Variants in PLEKHD1 observed in about 807,000 individuals in gnomAD.
PLEKHD1 encodes the protein pleckstrin homology domain-containing family D member 1.
PLEKHD1 carries 51 observed loss-of-function variants against 69.2 expected under a neutral mutation model. The observed-to-expected ratio is 0.74, with a 90% CI of 0.59 to 0.93. The LOEUF is 0.93. PLEKHD1 is among the 40% of genes least tolerant of loss of function. The pLI is 0.00. For missense variants in PLEKHD1, 584 were observed against 641.0 expected, an observed-to-expected ratio of 0.91 and a Z score of 0.96; for synonymous variants, 236 against 244.7, an observed-to-expected ratio of 0.96 and a Z score of 0.33.
intron 7 of PLEKHD1, among the ~76,000 whole-genome samples, chr14:69,523,600 G>A (rs908170887): frequency 3.9e-5 from 6 of 152,144 alleles, no homozygotes; most frequent in African/African-American, 1.4e-4. Context: ...AAACATTAGT[G>A]TAATAATATG....
intron 1 of PLEKHD1, among the ~76,000 whole-genome samples, chr14:69,498,458 G>A (rs1047812285): frequency 3.3e-5 from 5 of 152,180 alleles, no homozygotes; most frequent in Admixed American, 6.5e-5. Context: ...ACTTTCCTCA[G>A]ATGGCAGCTG....
the PLEKHD1 span, among the ~76,000 whole-genome samples, chr14:69,471,791 G>C: frequency 6.6e-6 from 1 of 152,082 alleles, no homozygotes; most frequent in Non-Finnish European, 1.5e-5. Context: ...GTATTTGGCC[G>C]AGAGATGTCA....
chr14:69,500,719 C>T, intron 3 of PLEKHD1, 53 bp downstream of exon 3: 1 of 1,534,548 alleles, frequency 6.5e-7, no homozygotes, highest in Non-Finnish European at 8.8e-7. Context: ...ACCAGCCTCT[C>T]AGGCCTCTTC....
the PLEKHD1 span, among the ~76,000 whole-genome samples, chr14:69,476,257 C>CAAAAAAAAAAAA: frequency 1.3e-5 from 1 of 77,322 alleles, no homozygotes; most frequent in African/African-American, 5.0e-5. Flanking sequence ...GACTCTGTCT[C>CAAAAAAAAAAAA]AAAAAAAAAA....
At chr14:69,497,909 T>C (rs77430583) in intron 1 of PLEKHD1, among the ~76,000 whole-genome samples, 10,981 of 152,076 alleles carry the variant, frequency 0.072, 566 homozygotes, top group South Asian at 0.17. Context: ...AAAATGGGGC[T>C]GAGTACAGTG....
intron 6 of PLEKHD1, among the ~76,000 whole-genome samples, chr14:69,511,737 G>A (rs567364141): frequency 4.6e-5 from 7 of 151,976 alleles, no homozygotes; most frequent in Admixed American, 4.6e-4. Context: ...TTTTATTAGA[G>A]ACATGGTTTC....
At chr14:69,501,991 CT>C in intron 5 of PLEKHD1, 166 bp downstream of exon 5, 1 of 567,738 alleles carries the variant, frequency 1.8e-6, no homozygotes, top group Non-Finnish European at 3.1e-6. Flanking sequence ...ACTACGCATC[CT>C]TTTGGCCAAC....
intron 6 of PLEKHD1, among the ~76,000 whole-genome samples, chr14:69,504,596 A>G (rs1883110959): frequency 6.6e-6 from 1 of 152,156 alleles, no homozygotes; most frequent in Non-Finnish European, 1.5e-5. Flanking sequence ...TTACATCTTA[A>G]TTTTAATCCA....
Position 69,526,678 on chromosome 14 carries a change from G to C in PLEKHD1, c.924-19G>C. ...TTTGGCGAGTGAGCATTGAGAAAGT[G>C]CCTCTTCTGTCCCTACAGGATGAAG... is the stretch of plus-strand genomic sequence containing the variant. On this transcript the variant is annotated intron_variant, in intron 9 of 12. Coordinates refer to ENST00000322564, the MANE Select transcript of PLEKHD1 (RefSeq NM_001161498.2). The C allele has an allele frequency of 6.8e-7, 1 of 1,473,496 alleles. No individual in the cohort carries two copies. The highest frequency in any genetic ancestry group is 9.0e-7 in the Non-Finnish European group (1 of 1,106,886). 91.3% of individuals were successfully genotyped at this position (1,473,496 alleles called of 1,614,324 possible).
At chr14:69,504,288 G>A (rs1883103054) in intron 6 of PLEKHD1, among the ~76,000 whole-genome samples, 1 of 152,310 alleles carries the variant, frequency 6.6e-6, no homozygotes, top group East Asian at 1.9e-4. Flanking sequence ...CAGAGGGAGG[G>A]CCTTATTTAG....
intron 6 of PLEKHD1, among the ~76,000 whole-genome samples, chr14:69,514,744 G>A (rs1208097032): frequency 9.2e-5 from 14 of 151,956 alleles, no homozygotes; most frequent in East Asian, 1.9e-4. Context: ...GGTGAGTTGC[G>A]CCCCTGGACT....
chr14:69,495,857 T>G (rs962620312), intron 1 of PLEKHD1, among the ~76,000 whole-genome samples: 1 of 152,244 alleles, frequency 6.6e-6, no homozygotes, highest in South Asian at 2.1e-4. Flanking sequence ...TTTATTTTCC[T>G]CCATAGCATA....
At chr14:69,484,446 A>C (rs1882605717), upstream of PLEKHD1, among the ~76,000 whole-genome samples, 1 of 151,964 alleles carries the variant, frequency 6.6e-6, no homozygotes, top group Admixed American at 6.5e-5. Context: ...CTGCTCGCCG[A>C]GAGGGACCCC....
At chr14:69,479,966 G>C (rs956775319), upstream of PLEKHD1, among the ~76,000 whole-genome samples, 1 of 152,172 alleles carries the variant, frequency 6.6e-6, no homozygotes, top group African/African-American at 2.4e-5. Flanking sequence ...CTGAACAGAG[G>C]CTAAGCGAGG....
At position 69,514,389 on chromosome 14, in the gene PLEKHD1, T is replaced by G. The variant is rs527961110; in HGVS notation, c.556-7894T>G. 2.6e-4 allele frequency among the ~76,000 whole-genome samples: 40 copies of G among 152,292 alleles called. 2 individuals carry two copies. The South Asian group carries it at 7.9e-3, about 30-fold the overall frequency. On this transcript the variant is annotated intron_variant, in intron 6 of 12. Coordinates refer to ENST00000322564, the MANE Select transcript of PLEKHD1 (RefSeq NM_001161498.2). ...ATCCCATCATAAGCATTCTTCACTC[T>G]TACAGTGTTTGTGATCTCTTGCAAT... is the stretch of plus-strand genomic sequence containing the variant.
chr14:69,493,815 T>C (rs1882828331), intron 1 of PLEKHD1, among the ~76,000 whole-genome samples: 1 of 152,226 alleles, frequency 6.6e-6, no homozygotes, highest in South Asian at 2.1e-4. Context: ...ACAAGCCCCA[T>C]ACCTCACCCA....
intron 1 of PLEKHD1, among the ~76,000 whole-genome samples, chr14:69,491,758 G>A (rs553002522): frequency 6.6e-6 from 1 of 152,110 alleles, no homozygotes; most frequent in Non-Finnish European, 1.5e-5. Context: ...CACTGGGGAG[G>A]GGGGCAGAAG....
chr14:69,492,605 C>T (rs551013878), intron 1 of PLEKHD1, among the ~76,000 whole-genome samples: 16 of 152,346 alleles, frequency 1.1e-4, no homozygotes, highest in Admixed American at 7.8e-4. Context: ...CTAGCTCCCC[C>T]ATTCCCAGCT....
chr14:69,499,155 G>A (rs1432039131), intron 1 of PLEKHD1, among the ~76,000 whole-genome samples: 1 of 152,012 alleles, frequency 6.6e-6, no homozygotes, highest in Non-Finnish European at 1.5e-5. Context: ...GATTGACATT[G>A]TGGGCTCTTA....
Sources: allele counts gnomAD v4.1 joint callset (sites outside exome capture counted in the v4.1 genomes callset), GRCh38; gene constraint gnomAD v4.1.1; transcripts MANE v1.5; gene names NCBI Gene and HGNC (gene_info 2026-07-23, HGNC 2026-07-21).